Variants in AKAP7 observed in about 807,000 individuals in gnomAD.
AKAP7 encodes the protein A kinase (PRKA) anchor protein 7.
Under a neutral mutation model 39.5 loss-of-function variants are expected in AKAP7, and 39 were observed. The ratio of observed to expected loss-of-function variants is 0.99; its 90% CI spans 0.76 to 1.29. The LOEUF is 1.29. AKAP7 is among the 50% of genes most tolerant of loss of function. The probability of loss-of-function intolerance (pLI) is 0.00; values close to 1 mark genes in which losing one functional copy is unlikely to be tolerated. For synonymous variants in AKAP7, 140 were observed against 139.1 expected, an observed-to-expected ratio of 1.01 and a Z score of -0.05; for missense variants, 414 against 407.7, an observed-to-expected ratio of 1.02 and a Z score of -0.13.
rs572215888 is a variant in AKAP7, at chr6:131,239,463, G to T, written c.850+19655G>T. Among the ~76,000 whole-genome samples the T allele has an allele frequency of 1.1e-4, 16 of 152,270 alleles. No individual in the cohort carries two copies. The East Asian group carries it at 2.9e-3, about 28-fold the overall frequency. ...ATTTGAATATTTGCTTGCCTTGCTA[G>T]ATTGGGGAAGTTCTCCTGGATAATA... On this transcript the variant is annotated intron_variant, in intron 7 of 7. Coordinates refer to ENST00000431975, the MANE Select transcript of AKAP7 (RefSeq NM_016377.4).
chr6:131,163,247 T>C (rs1261179265), intron 3 of AKAP7, among the ~76,000 whole-genome samples: 3 of 152,214 alleles, frequency 2.0e-5, no homozygotes, highest in Non-Finnish European at 4.4e-5. Flanking sequence ...TTGTAGTTAA[T>C]CACTTAGAAA....
At chr6:131,172,127 T>C (rs1562181794) in intron 5 of AKAP7, among the ~76,000 whole-genome samples, 1 of 152,174 alleles carries the variant, frequency 6.6e-6, no homozygotes, top group Non-Finnish European at 1.5e-5. Context: ...AGACAAATTA[T>C]TAGGTTGCAT....
At chr6:131,259,534 G>A (rs997799353) in intron 7 of AKAP7, among the ~76,000 whole-genome samples, 4 of 152,188 alleles carry the variant, frequency 2.6e-5, no homozygotes, top group Non-Finnish European at 4.4e-5. Context: ...TTAGGACAGT[G>A]AGTGTTAGTT....
chr6:131,262,299 C>T (rs1813411913), intron 7 of AKAP7, among the ~76,000 whole-genome samples: 1 of 152,082 alleles, frequency 6.6e-6, no homozygotes. Context: ...GAACTTTTAG[C>T]AGATCCAGCG....
chr6:131,262,597 AAAAG>A (rs1379111444), intron 7 of AKAP7, among the ~76,000 whole-genome samples: 6 of 152,014 alleles, frequency 3.9e-5, no homozygotes, highest in African/African-American at 1.5e-4. Flanking sequence ...TGACCACTTC[AAAAG>A]AAATAATTTT....
the AKAP7 span, among the ~76,000 whole-genome samples, chr6:131,128,253 T>G: frequency 1.3e-5 from 2 of 152,166 alleles, no homozygotes; most frequent in Admixed American, 1.3e-4. Context: ...CAGAAGCTTT[T>G]TATAAAGAGA....
intron 5 of AKAP7, among the ~76,000 whole-genome samples, chr6:131,171,980 G>A (rs981514624): frequency 6.6e-6 from 1 of 152,168 alleles, no homozygotes; most frequent in African/African-American, 2.4e-5. Context: ...GGAAAATTAG[G>A]AGGTGTGATC....
chr6:131,247,096 G>GTAAA (rs1585170306), intron 7 of AKAP7, among the ~76,000 whole-genome samples: 2 of 151,654 alleles, frequency 1.3e-5, no homozygotes, highest in East Asian at 3.9e-4. Context: ...CAAGTGCCTG[G>GTAAA]TGTTATGTGT....
At chr6:131,275,275 TC>T (rs1228637819) in intron 7 of AKAP7, among the ~76,000 whole-genome samples, 1 of 152,216 alleles carries the variant, frequency 6.6e-6, no homozygotes. Context: ...TTATCTTTAA[TC>T]CTTATAACAT....
At chr6:131,193,490 T>C (rs1192746514) in intron 5 of AKAP7, among the ~76,000 whole-genome samples, 1 of 152,118 alleles carries the variant, frequency 6.6e-6, no homozygotes, top group Non-Finnish European at 1.5e-5. Flanking sequence ...GCATCAATGT[T>C]TATCATAGAT....
At position 131,229,106 on chromosome 6, in the gene AKAP7, A is replaced by G. The variant is rs972889750; in HGVS notation, c.850+9298A>G. Reference sequence around the variant, plus strand: ...AAGTAGCCCCTTTCTTCCATGGAACACCATTTTTTCTTGAAGAATGATTGA... The same window carrying G: ...AAGTAGCCCCTTTCTTCCATGGAACGCCATTTTTTCTTGAAGAATGATTGA... On this transcript the variant is annotated intron_variant, in intron 7 of 7. Transcript: ENST00000431975. 5.9e-5 allele frequency among the ~76,000 whole-genome samples: 9 copies of G among 152,248 alleles called. No individual in the cohort carries two copies. The East Asian group carries it at 1.4e-3, about 23-fold the overall frequency.
intron 7 of AKAP7, among the ~76,000 whole-genome samples, chr6:131,241,637 A>ATATATATATATG (rs1554217972): frequency 6.3e-5 from 5 of 78,852 alleles, no homozygotes; most frequent in Admixed American, 1.3e-4. Flanking sequence ...GTATATATAT[A>ATATATATATATG]TGACAGTTAT....
chr6:131,245,000 T>TA (rs907158846), intron 7 of AKAP7, among the ~76,000 whole-genome samples: 2 of 151,950 alleles, frequency 1.3e-5, no homozygotes, highest in African/African-American at 2.4e-5. Flanking sequence ...AGTAATGGTT[T>TA]AAAAAAAAGA....
intron 5 of AKAP7, among the ~76,000 whole-genome samples, chr6:131,171,509 A>C (rs1804043334): frequency 6.6e-6 from 1 of 152,192 alleles, no homozygotes; most frequent in African/African-American, 2.4e-5. Flanking sequence ...GCAAATCTAG[A>C]GATACCATCA....
intron 1 of AKAP7, among the ~76,000 whole-genome samples, chr6:131,138,606 T>C (rs1174717588): frequency 6.6e-6 from 1 of 152,234 alleles, no homozygotes; most frequent in African/African-American, 2.4e-5. Context: ...TACATTGCTA[T>C]AGTCAGTGTA....
At chr6:131,158,031 C>T (rs781616825) in intron 2 of AKAP7, among the ~76,000 whole-genome samples, 37 of 152,274 alleles carry the variant, frequency 2.4e-4, no homozygotes, top group Middle Eastern at 6.8e-3. Context: ...TAATTTTAAA[C>T]ACGCTGTACT....
intron 7 of AKAP7, among the ~76,000 whole-genome samples, chr6:131,232,149 T>C (rs1810678750): frequency 6.6e-6 from 1 of 152,156 alleles, no homozygotes; most frequent in South Asian, 2.1e-4. Flanking sequence ...ATGATTTATA[T>C]TAGACATCTT....
intron 7 of AKAP7, among the ~76,000 whole-genome samples, chr6:131,243,753 C>A (rs1811791095): frequency 6.6e-6 from 1 of 152,160 alleles, no homozygotes; most frequent in Non-Finnish European, 1.5e-5. Flanking sequence ...CTGTGAAAAA[C>A]CTCCAATGAT....
chr6:131,159,383 G>A (rs936597173), intron 2 of AKAP7, among the ~76,000 whole-genome samples: 3 of 152,130 alleles, frequency 2.0e-5, no homozygotes, highest in African/African-American at 4.8e-5. Flanking sequence ...GTGAGCCACC[G>A]AGCCTGGCCA....
Sources: allele counts gnomAD v4.1 joint callset (sites outside exome capture counted in the v4.1 genomes callset), GRCh38; gene constraint gnomAD v4.1.1; transcripts MANE v1.5; gene names NCBI Gene and HGNC (gene_info 2026-07-23, HGNC 2026-07-21).